PTPRD: variants seen among roughly 807,000 people sequenced by gnomAD.
PTPRD encodes receptor-type tyrosine-protein phosphatase delta.
A neutral mutation model predicts 214.5 loss-of-function variants in PTPRD; 34 were observed. The observed-to-expected ratio is 0.16, with a 90% CI of 0.12 to 0.21. The LOEUF is 0.21. Among genes scored for constraint, PTPRD ranks in the 10% least tolerant of loss-of-function variants. PTPRD has a pLI of 1.00. For missense variants in PTPRD, 2,545 were observed against 2,398.7 expected, an observed-to-expected ratio of 1.06 and a Z score of -1.27; for synonymous variants, 1,128 against 845.7, an observed-to-expected ratio of 1.33 and a Z score of -5.79.
intron 6 of PTPRD, among the ~76,000 whole-genome samples, chr9:9,746,866 T>C (rs2098463664): frequency 6.6e-6 from 1 of 151,320 alleles, no homozygotes; most frequent in Admixed American, 6.6e-5. Context: ...TTTTTAACTG[T>C]CATAAGACAA....
chr9:8,529,758 C>G (rs1209849412), intron 14 of PTPRD, among the ~76,000 whole-genome samples: 4 of 152,080 alleles, frequency 2.6e-5, no homozygotes, highest in African/African-American at 9.7e-5. Flanking sequence ...TGGCAATTAT[C>G]CAAATTAGAA....
At chr9:9,907,667 AG>A (rs1340140432) in intron 5 of PTPRD, among the ~76,000 whole-genome samples, 1 of 151,976 alleles carries the variant, frequency 6.6e-6, no homozygotes, top group Non-Finnish European at 1.5e-5. Context: ...TATGAATTTC[AG>A]GGAGACACAA....
chr9:8,438,987 C>T (rs1024501280), intron 34 of PTPRD, among the ~76,000 whole-genome samples: 5 of 152,060 alleles, frequency 3.3e-5, no homozygotes, highest in Non-Finnish European at 7.4e-5. Flanking sequence ...TTCAAGCAGA[C>T]CTACATTGAG....
chr9:9,667,698 G>C (rs1329641395), intron 7 of PTPRD, among the ~76,000 whole-genome samples: 1 of 152,116 alleles, frequency 6.6e-6, no homozygotes. Context: ...ACTGCTGAAT[G>C]TTTAGAGAAC....
At chr9:8,891,498 A>C (rs1282735438) in intron 11 of PTPRD, among the ~76,000 whole-genome samples, 1 of 152,034 alleles carries the variant, frequency 6.6e-6, no homozygotes, top group African/African-American at 2.4e-5. Context: ...TGATCTTTAA[A>C]AAACAATGCT....
At chr9:8,802,115 T>C (rs919659196) in intron 11 of PTPRD, among the ~76,000 whole-genome samples, 1 of 152,198 alleles carries the variant, frequency 6.6e-6, no homozygotes, top group Non-Finnish European at 1.5e-5. Context: ...ACTCTTTAAA[T>C]GTAGGCTTTT....
At chr9:8,764,710 G>A (rs554117316) in intron 11 of PTPRD, among the ~76,000 whole-genome samples, 1 of 152,004 alleles carries the variant, frequency 6.6e-6, no homozygotes, top group African/African-American at 2.4e-5. Context: ...CAGGAGAGTT[G>A]TTTGAACCCG....
intron 3 of PTPRD, among the ~76,000 whole-genome samples, chr9:10,138,201 A>G (rs1308217786): frequency 6.6e-6 from 1 of 152,048 alleles, no homozygotes; most frequent in Non-Finnish European, 1.5e-5. Flanking sequence ...AAAGACAAAG[A>G]TGACATTACA....
At chr9:8,999,636 T>G (rs1331664) in intron 11 of PTPRD, among the ~76,000 whole-genome samples, 76,823 of 151,738 alleles carry the variant, frequency 0.51, 21,790 homozygotes, top group Non-Finnish European at 0.66. Flanking sequence ...AGGTATGCTT[T>G]TAAAAATAAA....
intron 35 of PTPRD, among the ~76,000 whole-genome samples, chr9:8,408,779 C>A (rs571589552): frequency 3.9e-5 from 6 of 152,230 alleles, no homozygotes; most frequent in African/African-American, 1.4e-4. Flanking sequence ...CTCCCCACCG[C>A]AGCTTTTGAC....
chr9:8,638,249 G>A (rs1451775834), intron 12 of PTPRD, among the ~76,000 whole-genome samples: 2 of 151,718 alleles, frequency 1.3e-5, no homozygotes, highest in Non-Finnish European at 2.9e-5. Context: ...TTATAAAAAA[G>A]AAAAAAGTCA....
intron 7 of PTPRD, among the ~76,000 whole-genome samples, chr9:9,677,255 G>GT (rs1284324009): frequency 6.6e-6 from 1 of 151,960 alleles, no homozygotes; most frequent in African/African-American, 2.4e-5. Context: ...GGTTTTTATG[G>GT]TTTTAGGTCT....
chr9:9,061,569 T>A lies in PTPRD; in HGVS notation c.-142-42834A>T, dbSNP rs189112404. Among the ~76,000 whole-genome samples the A allele has an allele frequency of 6.9e-3, 1,047 of 152,304 alleles. 6 individuals carry two copies. The highest frequency in any genetic ancestry group is 0.017 in the African/African-American group (702 of 41,566). ...TCTAATACACCCCAAGGTTGTCAAC[T>A]CATGGCTTAGATTATTGGCCAGTTT... On this transcript the variant is annotated intron_variant, in intron 10 of 45. Coordinates refer to ENST00000381196, the MANE Select transcript of PTPRD (RefSeq NM_002839.4).
intron 6 of PTPRD, among the ~76,000 whole-genome samples, chr9:9,757,906 G>T (rs1479912045): frequency 6.6e-6 from 1 of 151,884 alleles, no homozygotes; most frequent in Non-Finnish European, 1.5e-5. Context: ...ACATTGTGGA[G>T]CCCAAGTGAA....
At chr9:9,687,374 T>C (rs2154401320) in intron 7 of PTPRD, among the ~76,000 whole-genome samples, 1 of 151,922 alleles carries the variant, frequency 6.6e-6, no homozygotes, top group Non-Finnish European at 1.5e-5. Flanking sequence ...GAAGCCTTCA[T>C]AAGGGAGGTT....
In PTPRD at chr9:8,314,826, G is replaced by C. The variant is rs1367639346; in HGVS notation, c.*3048C>G. 3 of 232,186 alleles carry C rather than the reference G, an allele frequency of 1.3e-5. No individual in the cohort carries two copies. The highest frequency in any genetic ancestry group is 2.6e-5 in the Non-Finnish European group (3 of 117,248). 14.4% of individuals were successfully genotyped at this position (232,186 alleles called of 1,614,324 possible). ...GATGGGTTCAAGTAATATCATTATT[G>C]GGTGTAGAATCAATAGGGCAGTGCA... On this transcript the variant is annotated 3_prime_UTR_variant, in exon 46 of 46. Coordinates refer to ENST00000381196, the MANE Select transcript of PTPRD (RefSeq NM_002839.4).
intron 11 of PTPRD, among the ~76,000 whole-genome samples, chr9:8,879,270 G>T (rs1307999236): frequency 6.6e-6 from 1 of 152,230 alleles, no homozygotes; most frequent in South Asian, 2.1e-4. Context: ...CATTGTTCCT[G>T]TTATCCTGGT....
intron 8 of PTPRD, among the ~76,000 whole-genome samples, chr9:9,424,375 G>T (rs1424019298): frequency 6.6e-6 from 1 of 152,194 alleles, no homozygotes; most frequent in Non-Finnish European, 1.5e-5. Context: ...TTTGGAATCT[G>T]TCAACCTACC....
At chr9:9,162,603 G>A (rs1306315396) in intron 10 of PTPRD, among the ~76,000 whole-genome samples, 2 of 151,880 alleles carry the variant, frequency 1.3e-5, no homozygotes, top group Admixed American at 6.6e-5. Context: ...CCCTCCACCT[G>A]CTTGCATCTC....
Sources: gnomAD v4.1 joint callset for allele counts (sites outside exome capture counted in the v4.1 genomes callset) on GRCh38, gnomAD v4.1.1 for gene constraint, MANE v1.5 for transcripts, NCBI Gene and HGNC (gene_info 2026-07-23, HGNC 2026-07-21) for gene names.